Variants in RHOA observed in about 807,000 individuals in gnomAD.
RHOA encodes ras homolog family member A.
RHOA carries 3 observed loss-of-function variants against 17.5 expected under a neutral mutation model. That is an observed-to-expected ratio of 0.17 (90% CI 0.08 to 0.44). The LOEUF is 0.44. Among genes scored for constraint, RHOA ranks in the 20% least tolerant of loss-of-function variants. The pLI, the probability that RHOA is intolerant of heterozygous loss-of-function variation, is 0.99. For synonymous variants in RHOA, 98 were observed against 88.4 expected (o/e 1.11, Z -0.61); for missense variants, 56 against 242.3 (o/e 0.23, Z 5.10).
intron 1 of RHOA, among the ~76,000 whole-genome samples, chr3:49,404,313 A>AAAG (rs10686310): frequency 0.97 from 145,497 of 149,386 alleles, 70,967 homozygotes; most frequent in East Asian, 1. Flanking sequence ...TCCAAAAAAA[A>AAAG]GCCAGGCGCA....
At position 49,408,243 on chromosome 3, in the gene RHOA, T is replaced by C. The variant is rs193031651; in HGVS notation, c.-3+3577A>G. ...ACACATATATATACGTATACACGTA[T>C]ATGTACACATATATATACGTATACA... On this transcript the variant is annotated intron_variant, in intron 1 of 4. Coordinates refer to ENST00000418115, the MANE Select transcript of RHOA (RefSeq NM_001664.4). 5.3e-5 allele frequency among the ~76,000 whole-genome samples: 8 copies of C among 150,130 alleles called. 1 individual carries two copies. In the South Asian group the frequency reaches 6.5e-4, roughly 12 times the overall value.
chr3:49,399,051 T>A (rs1468834335), intron 1 of RHOA, among the ~76,000 whole-genome samples: 1 of 28,160 alleles, frequency 3.6e-5, no homozygotes, highest in Non-Finnish European at 6.1e-5. Context: ...CAAGACTCCG[T>A]CTCAAAAAAA....
At chr3:49,404,633 A>G (rs2048789749) in intron 1 of RHOA, among the ~76,000 whole-genome samples, 1 of 147,940 alleles carries the variant, frequency 6.8e-6, no homozygotes, top group Admixed American at 6.8e-5. Flanking sequence ...AAAAAAAAAA[A>G]AAAAAGGCCA....
chr3:49,372,733 CAAAAAAAAAA>C (rs11460016), intron 2 of RHOA, among the ~76,000 whole-genome samples: 2 of 83,150 alleles, frequency 2.4e-5, no homozygotes, highest in Non-Finnish European at 4.9e-5. Context: ...GACTCTGTCT[CAAAAAAAAAA>C]AAAAAAAAAA....
chr3:49,398,952 G>A (rs1404548272), intron 1 of RHOA, among the ~76,000 whole-genome samples: 1 of 147,922 alleles, frequency 6.8e-6, no homozygotes, highest in Non-Finnish European at 1.5e-5. Flanking sequence ...AGTTATTTGG[G>A]AGACTGAGAC....
At chr3:49,387,343 C>T (rs546388087) in intron 1 of RHOA, among the ~76,000 whole-genome samples, 1 of 149,624 alleles carries the variant, frequency 6.7e-6, no homozygotes, top group South Asian at 2.1e-4. Context: ...ACTTGGGAGG[C>T]TGAGGCAGGA....
chr3:49,391,045 C>T (rs930216031), intron 1 of RHOA, among the ~76,000 whole-genome samples: 3 of 151,448 alleles, frequency 2.0e-5, no homozygotes, highest in Admixed American at 6.6e-5. Context: ...GGTGAAACCC[C>T]GTCTCTACTA....
At chr3:49,366,371 G>A (rs752257385) in intron 3 of RHOA, among the ~76,000 whole-genome samples, 5 of 152,156 alleles carry the variant, frequency 3.3e-5, no homozygotes, top group African/African-American at 9.7e-5. Context: ...GGGAGGCCAA[G>A]GTGAGTGGAT....
chr3:49,371,595 C>G (rs1334501309), intron 2 of RHOA, among the ~76,000 whole-genome samples: 1 of 152,064 alleles, frequency 6.6e-6, no homozygotes, highest in Non-Finnish European at 1.5e-5. Flanking sequence ...CTATTGCATA[C>G]TGTTAAATGA....
At position 49,383,204 on chromosome 3, in the gene RHOA, C is replaced by T. The variant is rs192881960; in HGVS notation, c.-2-7613G>A. Among the ~76,000 whole-genome samples, 11 of 151,670 alleles carry T rather than the reference C, an allele frequency of 7.3e-5. No homozygotes were observed. In the East Asian group the frequency reaches 2.1e-3, roughly 30 times the overall value. On this transcript the variant is annotated intron_variant, in intron 1 of 4. Transcript: ENST00000418115. ...ATTCCAGCACTTTGGGAGGCCGAGGCGGGCAGATCACGAGGTCAGGAGATC... is the reference window on the plus strand; with the variant it reads ...ATTCCAGCACTTTGGGAGGCCGAGGTGGGCAGATCACGAGGTCAGGAGATC...
chr3:49,383,295 C>T (rs1455476220), intron 1 of RHOA, among the ~76,000 whole-genome samples: 1 of 151,610 alleles, frequency 6.6e-6, no homozygotes. Context: ...TGGCAGGCGC[C>T]TGTAGTCCCA....
intron 1 of RHOA, among the ~76,000 whole-genome samples, chr3:49,378,191 A>AAG (rs57151165): frequency 6.8e-6 from 1 of 146,510 alleles, no homozygotes; most frequent in Non-Finnish European, 1.5e-5. Context: ...AAAAAAAAAA[A>AAG]GAGAGAACTC....
At chr3:49,365,997 C>T (rs1475855944) in intron 3 of RHOA, among the ~76,000 whole-genome samples, 1 of 152,062 alleles carries the variant, frequency 6.6e-6, no homozygotes, top group Non-Finnish European at 1.5e-5. Context: ...GTCGAGGCAG[C>T]AGTAAACTGA....
chr3:49,383,205 G>A (rs572154382), intron 1 of RHOA, among the ~76,000 whole-genome samples: 48 of 152,068 alleles, frequency 3.2e-4, no homozygotes, highest in African/African-American at 9.9e-4. Context: ...AGGCCGAGGC[G>A]GGCAGATCAC....
intron 1 of RHOA, among the ~76,000 whole-genome samples, chr3:49,381,643 G>T (rs921740358): frequency 6.6e-6 from 1 of 151,766 alleles, no homozygotes. Flanking sequence ...GAGGCCTGTG[G>T]ATCACGATGT....
At chr3:49,395,715 A>G (rs1330623930) in intron 1 of RHOA, among the ~76,000 whole-genome samples, 2 of 151,814 alleles carry the variant, frequency 1.3e-5, no homozygotes, top group East Asian at 3.9e-4. Context: ...TCTGTCTCCA[A>G]AAAAAAAGAA....
chr3:49,404,458 A>ACACACACACACACACACAC (rs10527314), intron 1 of RHOA, among the ~76,000 whole-genome samples: 68 of 146,752 alleles, frequency 4.6e-4, no homozygotes, highest in East Asian at 1.0e-3. Context: ...ACACACACAC[A>ACACACACACACACACACAC]AAATTAGCCG....
chr3:49,403,736 GAACA>G (rs915539487), intron 1 of RHOA, among the ~76,000 whole-genome samples: 7 of 151,860 alleles, frequency 4.6e-5, no homozygotes, highest in African/African-American at 1.7e-4. Context: ...AAAAAAATAA[GAACA>G]AAAAAATTAT....
chr3:49,371,282 T>G (rs1365243942), intron 2 of RHOA, among the ~76,000 whole-genome samples: 2 of 137,316 alleles, frequency 1.5e-5, no homozygotes, highest in Non-Finnish European at 3.1e-5. Context: ...TTGCCTACTG[T>G]TTTTTTTTTT....
Sources: gnomAD v4.1 joint callset for allele counts (sites outside exome capture counted in the v4.1 genomes callset) on GRCh38, gnomAD v4.1.1 for gene constraint, MANE v1.5 for transcripts, NCBI Gene and HGNC (gene_info 2026-07-23, HGNC 2026-07-21) for gene names.